Variants in COL22A1 observed in about 807,000 individuals in gnomAD.
The protein encoded by COL22A1 is collagen alpha-1(XXII) chain.
COL22A1 carries 221 observed loss-of-function variants against 248.9 expected under a neutral mutation model. The ratio of observed to expected loss-of-function variants is 0.89; its 90% CI spans 0.80 to 0.99. COL22A1 has a LOEUF of 0.99. Among genes scored for constraint, COL22A1 ranks in the 50% least tolerant of loss-of-function variants. The pLI, the probability that COL22A1 is intolerant of heterozygous loss-of-function variation, is 0.00. For missense variants in COL22A1, 2,240 were observed against 2,179.0 expected, an observed-to-expected ratio of 1.03 and a Z score of -0.56; for synonymous variants, 891 against 793.4, an observed-to-expected ratio of 1.12 and a Z score of -2.07.
rs962045377 is a variant in COL22A1 at position 138,739,872 on chromosome 8, C to G, written c.2086-2295G>C. Among the ~76,000 whole-genome samples, 13 of 152,310 alleles carry G rather than the reference C, an allele frequency of 8.5e-5. 1 individual carries two copies. In the Middle Eastern group the frequency reaches 0.017, roughly 199 times the overall value. On this transcript the variant is annotated intron_variant, in intron 22 of 64. Transcript: ENST00000303045. ...CCACACCTTTGAGCTGTGAACCCAT[C>G]AGGCTGGAGGGTGCGATAATGTCTG...
intron 10 of COL22A1, among the ~76,000 whole-genome samples, chr8:138,805,259 A>ATG (rs1817412077): frequency 9.2e-6 from 1 of 108,996 alleles, no homozygotes; most frequent in East Asian, 2.8e-4. Flanking sequence ...TGATGATGTG[A>ATG]GCATGCATGT....
At chr8:138,863,782 A>T (rs1373193557) in intron 3 of COL22A1, among the ~76,000 whole-genome samples, 1 of 152,116 alleles carries the variant, frequency 6.6e-6, no homozygotes, top group Non-Finnish European at 1.5e-5. Flanking sequence ...TGGGGTCTAG[A>T]TTCACTTATA....
chr8:138,797,151 T>A (rs984508000), intron 11 of COL22A1, among the ~76,000 whole-genome samples: 1 of 152,222 alleles, frequency 6.6e-6, no homozygotes, highest in Admixed American at 6.5e-5. Flanking sequence ...AATGTACAAT[T>A]CAATGATTTT....
intron 61 of COL22A1, 79 bp downstream of exon 61, chr8:138,598,640 C>T: frequency 7.2e-7 from 1 of 1,384,452 alleles, no homozygotes; most frequent in Non-Finnish European, 9.9e-7. Flanking sequence ...AAACTGGTGC[C>T]TCTGAAGTCC....
intron 34 of COL22A1, among the ~76,000 whole-genome samples, 188 bp downstream of exon 34, chr8:138,694,320 G>A (rs1827322916): frequency 6.6e-6 from 1 of 152,172 alleles, no homozygotes; most frequent in Admixed American, 6.5e-5. Context: ...GGTGGGGCCT[G>A]GCCCCATGGC....
intron 12 of COL22A1, among the ~76,000 whole-genome samples, chr8:138,795,650 A>G (rs912616543): frequency 6.6e-6 from 1 of 152,144 alleles, no homozygotes; most frequent in African/African-American, 2.4e-5. Flanking sequence ...TTCTTCTCCT[A>G]AATGTCATTT....
At chr8:138,757,684 C>T (rs1342899151) in intron 18 of COL22A1, among the ~76,000 whole-genome samples, 1 of 152,238 alleles carries the variant, frequency 6.6e-6, no homozygotes, top group Non-Finnish European at 1.5e-5. Context: ...GACATGGATT[C>T]ACTCTCGTTC....
chr8:138,906,563 G>T (rs74390643), intron 1 of COL22A1, among the ~76,000 whole-genome samples: 43,060 of 138,284 alleles, frequency 0.31, 6,954 homozygotes, highest in East Asian at 0.39. Context: ...ATTTAACTTA[G>T]TAAGAGGGAG....
In COL22A1 at chr8:138,693,706, A is replaced by G. The variant is rs1587883637; in HGVS notation, c.2701-7T>C. On this transcript the variant is annotated splice_region_variant and splice_polypyrimidine_tract_variant and intron_variant, in intron 34 of 64. Coordinates refer to ENST00000303045, the MANE Select transcript of COL22A1 (RefSeq NM_152888.3). The stretch of plus-strand genomic sequence containing the variant: ...CTTCCTGTCCCTTGGCACCCTGCAC[A>G]GGAAATAAAAGAGGGGCGGGGGTAA... 1 of 1,566,736 alleles carries G rather than the reference A, an allele frequency of 6.4e-7. No homozygotes were observed. Among genetic ancestry groups the G allele is most frequent in the Non-Finnish European group, 8.7e-7 (1 of 1,155,210 alleles).
intron 22 of COL22A1, among the ~76,000 whole-genome samples, chr8:138,749,235 G>C (rs1832388921): frequency 6.6e-6 from 1 of 152,116 alleles, no homozygotes; most frequent in African/African-American, 2.4e-5. Flanking sequence ...ACAGTCTTGG[G>C]TATGTCTTTA....
chr8:138,807,200 T>C (rs1023297627), intron 10 of COL22A1, among the ~76,000 whole-genome samples: 43 of 152,014 alleles, frequency 2.8e-4, no homozygotes, highest in African/African-American at 1.0e-3. Flanking sequence ...CCCAGCTGTC[T>C]CCAGTGATTT....
intron 7 of COL22A1, among the ~76,000 whole-genome samples, chr8:138,813,697 ACAC>A (rs1818447858): frequency 1.3e-5 from 2 of 149,256 alleles, no homozygotes; most frequent in South Asian, 4.4e-4. Context: ...GTTTCGTTCT[ACAC>A]TGAAGGGGCT....
At chr8:138,648,015 G>A (rs779671856) in intron 46 of COL22A1, among the ~76,000 whole-genome samples, 1 of 152,172 alleles carries the variant, frequency 6.6e-6, no homozygotes, top group East Asian at 1.9e-4. Context: ...TTAAGGCAAT[G>A]GGAAAGACCC....
intron 1 of COL22A1, among the ~76,000 whole-genome samples, chr8:138,890,063 G>A (rs1202890826): frequency 2.6e-5 from 4 of 152,250 alleles, no homozygotes; most frequent in Admixed American, 2.0e-4. Flanking sequence ...TCTCAGGAAT[G>A]CAGGAGTGGT....
At chr8:138,635,125 A>T in intron 48 of COL22A1, 62 bp from the exon 49 acceptor site, 1 of 1,370,816 alleles carries the variant, frequency 7.3e-7, no homozygotes, top group Non-Finnish European at 1.0e-6. Flanking sequence ...ACTTTGTGCA[A>T]ATATCAAATT....
chr8:138,819,096 G>A (rs1009576896), intron 7 of COL22A1, among the ~76,000 whole-genome samples: 3 of 152,106 alleles, frequency 2.0e-5, no homozygotes, highest in Non-Finnish European at 4.4e-5. Context: ...TTAAAAATTG[G>A]TATGCACAGG....
chr8:138,622,630 C>A (rs116049430), intron 52 of COL22A1, among the ~76,000 whole-genome samples: 1 of 152,092 alleles, frequency 6.6e-6, no homozygotes, highest in Admixed American at 6.5e-5. Context: ...TACTTTTATG[C>A]GGGTTTTATG....
rs896617590 is a variant in COL22A1 at position 138,689,162 on chromosome 8, G to GC, written c.2809-193_2809-192insG. ...TGCCCATGACTGCTGCTCTCCCGGG[G>GC]GGGGGGCTGGCCTTGTAACAGTGCA... On this transcript the variant is annotated intron_variant, in intron 36 of 64. Coordinates refer to ENST00000303045, the MANE Select transcript of COL22A1 (RefSeq NM_152888.3). Among the ~76,000 whole-genome samples the GC allele has an allele frequency of 4.3e-4, 62 of 145,622 alleles. 1 individual carries two copies. Among genetic ancestry groups the GC allele is most frequent in the East Asian group, 1.6e-3 (8 of 5,112 alleles).
chr8:138,866,916 T>TA (rs1327154022), intron 3 of COL22A1, among the ~76,000 whole-genome samples: 4 of 152,048 alleles, frequency 2.6e-5, no homozygotes, highest in Non-Finnish European at 5.9e-5. Context: ...AGAGACCCTC[T>TA]AAGAGGAGCC....
Sources: gnomAD v4.1 joint callset for allele counts (sites outside exome capture counted in the v4.1 genomes callset) on GRCh38, gnomAD v4.1.1 for gene constraint, MANE v1.5 for transcripts, NCBI Gene and HGNC (gene_info 2026-07-23, HGNC 2026-07-21) for gene names.